Variants in PCSK6 observed in about 807,000 individuals in gnomAD.
PCSK6 encodes proprotein convertase subtilisin/kexin type 6, also known as paired basic amino acid cleaving enzyme 4.
PCSK6 carries 85 observed loss-of-function variants against 123.3 expected under a neutral mutation model. That is an observed-to-expected ratio of 0.69 (90% CI 0.58 to 0.83). The LOEUF (loss-of-function observed/expected upper bound fraction) is 0.83. PCSK6 is among the 40% of genes least tolerant of loss of function. PCSK6 has a pLI of 0.00. For missense variants in PCSK6, 1,191 were observed against 1,282.3 expected, an observed-to-expected ratio of 0.93 and a Z score of 1.09; for synonymous variants, 508 against 516.0, an observed-to-expected ratio of 0.98 and a Z score of 0.21.
At chr15:101,454,976 G>GAATA (rs1179710613) in intron 1 of PCSK6, among the ~76,000 whole-genome samples, 58 of 132,690 alleles carry the variant, frequency 4.4e-4, no homozygotes, top group South Asian at 2.9e-3. Flanking sequence ...ATGAATGAAT[G>GAATA]AATGAATAAA....
intron 19 of PCSK6, among the ~76,000 whole-genome samples, chr15:101,315,692 C>T (rs896869692): frequency 2.6e-5 from 4 of 152,280 alleles, no homozygotes; most frequent in Admixed American, 1.3e-4. Flanking sequence ...GAGGGCTGAC[C>T]GTCACAGGTG....
At chr15:101,337,219 G>C (rs558572296) in intron 13 of PCSK6, 10 of 152,196 alleles carry the variant, frequency 6.6e-5, no homozygotes, top group Non-Finnish European at 1.5e-4. Context: ...TTGCCAGGAT[G>C]GTCTTGGTCT....
Position 101,324,932 on chromosome 15 carries a change from C to A in PCSK6, c.2295G>T (p.Leu765=). 6.2e-7 allele frequency: 1 copy of A among 1,613,588 alleles called. No homozygotes were observed. The change falls in exon 17 of 22, where the codon CTG becomes CTT. Residue 765 remains leucine (L), a synonymous_variant. Coordinates refer to ENST00000611716, the MANE Select transcript of PCSK6 (RefSeq NM_002570.5). ...GGTGATAGAACCCGCGGCGGCAAGA[C>A]AGGCACTGCGTCGCAGCTCTGCTGG... ...TCSSRAATQC[L]SCRRGFYHHQ...
intron 6 of PCSK6, among the ~76,000 whole-genome samples, chr15:101,422,305 T>C (rs148835435): frequency 2.0e-5 from 3 of 152,308 alleles, no homozygotes; most frequent in Admixed American, 2.0e-4. Context: ...CCCTGAAGTA[T>C]ACATGGGCAA....
intron 18 of PCSK6, among the ~76,000 whole-genome samples, chr15:101,319,528 CAG>C (rs1002714578): frequency 1.3e-5 from 2 of 152,222 alleles, no homozygotes; most frequent in Admixed American, 6.5e-5. Context: ...AGCCTCTAGA[CAG>C]GGGCTGGCTG....
chr15:101,395,153 T>C (rs1186076505), intron 7 of PCSK6, among the ~76,000 whole-genome samples: 1 of 152,190 alleles, frequency 6.6e-6, no homozygotes, highest in Non-Finnish European at 1.5e-5. Context: ...CCCACCCCAC[T>C]TGAAATGACT....
At chr15:101,471,718 A>G (rs1042123541) in intron 1 of PCSK6, among the ~76,000 whole-genome samples, 1 of 152,250 alleles carries the variant, frequency 6.6e-6, no homozygotes, top group Non-Finnish European at 1.5e-5. Context: ...ACACACTTGT[A>G]TAACTCAAAC....
chr15:101,385,508 T>G (rs1416991284), intron 9 of PCSK6, among the ~76,000 whole-genome samples: 1 of 152,200 alleles, frequency 6.6e-6, no homozygotes, highest in Non-Finnish European at 1.5e-5. Flanking sequence ...TCTTCAATAG[T>G]TACAAAAATT....
intron 13 of PCSK6, among the ~76,000 whole-genome samples, chr15:101,335,218 C>T (rs2040452855): frequency 6.6e-6 from 1 of 152,182 alleles, no homozygotes; most frequent in Non-Finnish European, 1.5e-5. Context: ...CGTTGGCCTC[C>T]CAAAGTGTAG....
At chr15:101,435,985 G>C (rs2056588039) in intron 2 of PCSK6, among the ~76,000 whole-genome samples, 1 of 152,220 alleles carries the variant, frequency 6.6e-6, no homozygotes, top group Non-Finnish European at 1.5e-5. Flanking sequence ...AGGTGGGCCA[G>C]AAGCTTGCTG....
intron 11 of PCSK6, among the ~76,000 whole-genome samples, chr15:101,374,753 G>A (rs888329469): frequency 1.3e-5 from 2 of 152,216 alleles, no homozygotes; most frequent in Non-Finnish European, 2.9e-5. Flanking sequence ...GCTAAATTAA[G>A]CAATAGGAAA....
Position 101,370,581 on chromosome 15 carries a change from C to T in PCSK6, c.1533-58G>A, listed in dbSNP as rs972109220. 1.2e-5 allele frequency: 17 copies of T among 1,371,076 alleles called. No individual in the cohort carries two copies. The East Asian group carries it at 3.0e-4, about 24-fold the overall frequency. The allele number at this position is 1,371,076 out of a possible 1,614,324, so 84.9% of individuals were successfully genotyped here. On this transcript the variant is annotated intron_variant, in intron 11 of 21. Coordinates refer to ENST00000611716, the MANE Select transcript of PCSK6 (RefSeq NM_002570.5). ...CCGGAAGCATGAAGTCTCACCCACA[C>T]AGCCAGGAGCTCCAGCGCCCGTCCA...
chr15:101,369,639 T>G (rs2041515177), intron 12 of PCSK6, among the ~76,000 whole-genome samples: 1 of 152,252 alleles, frequency 6.6e-6, no homozygotes, highest in Non-Finnish European at 1.5e-5. Flanking sequence ...CCCTGGCCCC[T>G]CTTAAGTTCC....
At chr15:101,437,988 AGT>A (rs1413629773) in intron 2 of PCSK6, among the ~76,000 whole-genome samples, 1 of 152,200 alleles carries the variant, frequency 6.6e-6, no homozygotes, top group Non-Finnish European at 1.5e-5. Context: ...CAATCTGGCC[AGT>A]GTCCCATGAG....
At chr15:101,307,103 C>T (rs2039740678) in intron 21 of PCSK6, 110 bp downstream of exon 21, 2 of 740,816 alleles carry the variant, frequency 2.7e-6, no homozygotes, top group East Asian at 2.7e-5. Context: ...GCACGAACGC[C>T]TGTCTGTGGA....
intron 1 of PCSK6, among the ~76,000 whole-genome samples, chr15:101,455,250 T>C (rs2057149068): frequency 6.6e-6 from 1 of 152,228 alleles, no homozygotes; most frequent in Non-Finnish European, 1.5e-5. Context: ...GGCTCCAGTG[T>C]ACCAGCAGCA....
chr15:101,380,103 C>T (rs1052597885), intron 11 of PCSK6, among the ~76,000 whole-genome samples: 5 of 152,186 alleles, frequency 3.3e-5, no homozygotes, highest in African/African-American at 1.2e-4. Context: ...TCTGATTCTT[C>T]TCCTCTTGGA....
intron 1 of PCSK6, among the ~76,000 whole-genome samples, chr15:101,456,845 G>A (rs557758367): frequency 6.6e-6 from 1 of 152,310 alleles, no homozygotes; most frequent in East Asian, 1.9e-4. Context: ...CCCAGGCCTT[G>A]CCTTGCATGA....
In PCSK6 at chr15:101,338,262, C is replaced by T. The variant is rs368040203; in HGVS notation, c.1859-6231G>A. On this transcript the variant is annotated intron_variant, in intron 13 of 21. Transcript: ENST00000611716. ...AGGAGAGTCAGATGCTTATGGGTGA[C>T]TTAGGATAACAGACTAAGGCAGAGA... is the stretch of plus-strand genomic sequence containing the variant. Among the ~76,000 whole-genome samples the T allele has an allele frequency of 5.0e-4, 76 of 152,290 alleles. 1 individual carries two copies. Among genetic ancestry groups the T allele is most frequent in the African/African-American group, 1.8e-3 (75 of 41,560 alleles).
Sources: allele counts gnomAD v4.1 joint callset (sites outside exome capture counted in the v4.1 genomes callset), GRCh38; gene constraint gnomAD v4.1.1; transcripts MANE v1.5; gene names NCBI Gene and HGNC (gene_info 2026-07-23, HGNC 2026-07-21).